ZNF500: variants seen among roughly 807,000 people sequenced by gnomAD.
ZNF500 encodes the protein zinc finger protein with KRAB and SCAN domains 18.
A neutral mutation model predicts 30.1 loss-of-function variants in ZNF500; 31 were observed. The ratio of observed to expected loss-of-function variants is 1.03; its 90% CI spans 0.77 to 1.39. The LOEUF (loss-of-function observed/expected upper bound fraction) is 1.39, where lower values mean the gene tolerates loss of function less well. Ranked by LOEUF, ZNF500 falls within the 40% of genes most tolerant of loss-of-function variation. ZNF500 has a pLI of 0.00. For missense variants in ZNF500, 817 were observed against 657.8 expected (o/e 1.24, Z -2.65); for synonymous variants, 392 against 282.0 (o/e 1.39, Z -3.91).
At chr16:4,766,545 C>T (rs1429981353) in intron 1 of ZNF500, among the ~76,000 whole-genome samples, 3 of 152,122 alleles carry the variant, frequency 2.0e-5, no homozygotes, top group African/African-American at 7.2e-5. Flanking sequence ...CGCTTGAACC[C>T]GGGAGATGGA....
chr16:4,763,245 A>C (rs938046588), intron 2 of ZNF500: 1 of 490,772 alleles, frequency 2.0e-6, no homozygotes, highest in Non-Finnish European at 2.6e-6. Context: ...TAAAAATACA[A>C]AAATTAGCCA....
Position 4,751,540 on chromosome 16 carries a change from ACT to A in ZNF500, c.*834_*835del, listed in dbSNP as rs1317321810. ...GCAGAGCCCCGGGCTCCATTTGGAA[ACT>A]CTGGCAGGATGAAGAAGCTGGAGAC... On this transcript the variant is annotated 3_prime_UTR_variant, in exon 6 of 6. Transcript: ENST00000219478. 1.3e-6 allele frequency: 2 copies of A among 1,526,394 alleles called. No homozygotes were observed. The highest frequency in any genetic ancestry group is 1.7e-6 in the Non-Finnish European group (2 of 1,143,554). The allele number at this position is 1,526,394 out of a possible 1,614,324, so 94.6% of individuals were successfully genotyped here. A position where few individuals can be genotyped will look rare whatever the true frequency, so the allele number is the denominator to read the frequency against.
intron 2 of ZNF500, chr16:4,764,186 C>T (rs1435686631): frequency 2.9e-5 from 21 of 713,870 alleles, no homozygotes; most frequent in East Asian, 1.3e-4. Flanking sequence ...TGTGTGACGA[C>T]TGAGCCCTTG....
intron 2 of ZNF500, among the ~76,000 whole-genome samples, chr16:4,765,092 G>T (rs995789673): frequency 2.0e-5 from 3 of 152,176 alleles, no homozygotes; most frequent in African/African-American, 4.8e-5. Flanking sequence ...CTTGAGGCCA[G>T]GAGTTCAAGA....
rs1345906491 is a variant in ZNF500, at chr16:4,752,475, C to G, written c.1344G>C (p.Arg448=). The change falls in exon 6 of 6, where the codon CGG becomes CGC. Residue 448 remains arginine (R), a synonymous_variant. Transcript: ENST00000219478. ...TCPACGRGFR[R]GTDLHKHQRT... Reference sequence around the variant, plus strand: ...GCTGGTGCTTGTGCAGGTCGGTGCCCCGGCGGAAGCCCCGGCCACAGGCCG... The same window carrying G: ...GCTGGTGCTTGTGCAGGTCGGTGCCGCGGCGGAAGCCCCGGCCACAGGCCG... 1.3e-6 allele frequency: 2 copies of G among 1,545,196 alleles called. No individual in the cohort carries two copies. Among genetic ancestry groups the G allele is most frequent in the Middle Eastern group, 3.4e-4 (2 of 5,902 alleles).
chr16:4,747,247 G>A (rs1191824241), downstream of ZNF500: 69 of 1,419,228 alleles, frequency 4.9e-5, no homozygotes, highest in Non-Finnish European at 6.5e-5. Flanking sequence ...TCTGAAATGG[G>A]AGCTGGGCTC....
rs1253872197 is a variant in ZNF500, at chr16:4,753,125, G to A, written c.761-67C>T. Reference sequence around the variant, plus strand: ...AGGGCAAGGGAAATCCTTCTAATAGGAAAATGAAGGCCTCACAGGGCTCCT... The same window carrying A: ...AGGGCAAGGGAAATCCTTCTAATAGAAAAATGAAGGCCTCACAGGGCTCCT... On this transcript the variant is annotated intron_variant, in intron 5 of 5. Coordinates refer to ENST00000219478, the MANE Select transcript of ZNF500 (RefSeq NM_021646.4). The A allele has an allele frequency of 5.4e-6, 8 of 1,489,504 alleles. No individual in the cohort carries two copies. In the African/African-American group the frequency reaches 5.6e-5, roughly 10 times the overall value. The allele number at this position is 1,489,504 out of a possible 1,614,324, so 92.3% of individuals were successfully genotyped here. A position where few individuals can be genotyped will look rare whatever the true frequency, so the allele number is the denominator to read the frequency against.
chr16:4,763,674 A>T, intron 2 of ZNF500: 1 of 985,376 alleles, frequency 1.0e-6, no homozygotes, highest in Non-Finnish European at 1.2e-6. Flanking sequence ...GATGGCCATG[A>T]GGCATGTGTG....
Position 4,752,547 on chromosome 16 carries a change from G to T in ZNF500, c.1272C>A (p.Phe424Leu). 6.4e-7 allele frequency: 1 copy of T among 1,570,098 alleles called. No homozygotes were observed. Reference protein sequence around the residue: ...CGKRFNNSSHFSAHRRTHTGE... With the variant: ...CGKRFNNSSHLSAHRRTHTGE... The stretch of plus-strand genomic sequence containing the variant: ...CTGTGTGCGTCCGGCGGTGGGCGCT[G>T]AAGTGCGAGCTGTTGTTGAAGCGCT... Residue 424 changes from phenylalanine to leucine, a missense_variant, in exon 6 of 6, where the codon TTC becomes TTA. By Grantham distance (22) the Phe-to-Leu change is conservative. Coordinates refer to ENST00000219478, the MANE Select transcript of ZNF500 (RefSeq NM_021646.4).
chr16:4,753,384 T>C (rs2082105411), intron 5 of ZNF500, among the ~76,000 whole-genome samples: 1 of 151,978 alleles, frequency 6.6e-6, no homozygotes, highest in Non-Finnish European at 1.5e-5. Flanking sequence ...ATCACTTGAG[T>C]CTAGGAGGTC....
chr16:4,760,251 C>A (rs2082182717), intron 5 of ZNF500, among the ~76,000 whole-genome samples: 1 of 152,096 alleles, frequency 6.6e-6, no homozygotes, highest in Admixed American at 6.6e-5. Context: ...TGAAGTAGGA[C>A]CAGCATGTAG....
intron 2 of ZNF500, among the ~76,000 whole-genome samples, chr16:4,764,628 A>G (rs2082242304): frequency 6.6e-6 from 1 of 151,742 alleles, no homozygotes; most frequent in Non-Finnish European, 1.5e-5. Flanking sequence ...AAAAATACAA[A>G]AAAATTAGCC....
downstream of ZNF500, chr16:4,747,327 T>C (rs748721284): frequency 2.6e-6 from 4 of 1,538,764 alleles, no homozygotes; most frequent in Admixed American, 8.1e-5. Flanking sequence ...GTGAATTTGG[T>C]CTCATTGTGT....
At chr16:4,747,010 C>T, downstream of ZNF500, 1 of 1,533,514 alleles carries the variant, frequency 6.5e-7, no homozygotes, top group Non-Finnish European at 8.7e-7. Context: ...GCATCTCCTT[C>T]CTCCCTGGGG....
downstream of ZNF500, among the ~76,000 whole-genome samples, chr16:4,744,672 G>A (rs1481890270): frequency 6.6e-6 from 1 of 152,160 alleles, no homozygotes; most frequent in Non-Finnish European, 1.5e-5. Flanking sequence ...TGCTCATAAA[G>A]ATTCTGCCCC....
At chr16:4,759,940 G>T (rs1048536186) in intron 5 of ZNF500, among the ~76,000 whole-genome samples, 1 of 152,242 alleles carries the variant, frequency 6.6e-6, no homozygotes, top group Non-Finnish European at 1.5e-5. Context: ...TTGGGAGGCT[G>T]AGGTGGGAGC....
chr16:4,762,282 C>A lies in ZNF500; in HGVS notation c.652G>T (p.Ala218Ser), dbSNP rs897757195. The part of the protein sequence containing the change: ...EMASASPFLS[A>S]WSQVPVNLED... ...AGCATCCCACTCACCTGGGACCAGG[C>A]CGAAAGGAAGGGCGAGGCTGACGCC... Residue 218 changes from alanine to serine, a missense_variant, in exon 4 of 6, where the codon GCC becomes TCC. By Grantham distance (99) the Ala-to-Ser change is moderately conservative. Transcript: ENST00000219478. The A allele has an allele frequency of 3.1e-6, 5 of 1,611,352 alleles. No individual in the cohort carries two copies. In the African/African-American group the frequency reaches 6.7e-5, roughly 22 times the overall value.
In ZNF500 at chr16:4,765,777, G is replaced by C; in HGVS notation, c.202C>G (p.Leu68Val). The change falls in exon 2 of 6, where the codon CTG (leucine) becomes GTG (valine). Residue 68 changes from leucine to valine, a missense_variant. Coordinates refer to ENST00000219478, the MANE Select transcript of ZNF500 (RefSeq NM_021646.4). ...CAGCACAGCTCCCAGAGGCGGCTCA[G>C]GGCCTCCCGGGGCCCAGCCACCTCC... is the stretch of plus-strand genomic sequence containing the variant. ...YQEVAGPREA[L>V]SRLWELCCRW... 4 of 1,612,940 alleles carry C rather than the reference G, an allele frequency of 2.5e-6. No individual in the cohort carries two copies. Among genetic ancestry groups the C allele is most frequent in the Non-Finnish European group, 3.4e-6 (4 of 1,179,820 alleles).
chr16:4,751,884 G>A lies in ZNF500; in HGVS notation c.*492C>T. 3.2e-6 allele frequency: 1 copy of A among 313,662 alleles called. No homozygotes were observed. Among genetic ancestry groups the A allele is most frequent in the Non-Finnish European group, 5.4e-6 (1 of 183,546 alleles). 19.4% of individuals were successfully genotyped at this position (313,662 alleles called of 1,614,324 possible). A position where few individuals can be genotyped will look rare whatever the true frequency, so the allele number is the denominator to read the frequency against. On this transcript the variant is annotated 3_prime_UTR_variant, in exon 6 of 6. Transcript: ENST00000219478. The stretch of plus-strand genomic sequence containing the variant: ...GATCATGGCACTGTATTCCCGCCTG[G>A]GGGACACAGCAAGGCCCCGTCTCAA...
Sources: gnomAD v4.1 joint callset for allele counts (sites outside exome capture counted in the v4.1 genomes callset) on GRCh38, gnomAD v4.1.1 for gene constraint, MANE v1.5 for transcripts, NCBI Gene and HGNC (gene_info 2026-07-23, HGNC 2026-07-21) for gene names.